Variants in DIPK1A observed in about 807,000 individuals in gnomAD.
DIPK1A encodes family with sequence similarity 69 member A.
Under a neutral mutation model 40.8 loss-of-function variants are expected in DIPK1A, and 27 were observed. That is an observed-to-expected ratio of 0.66 (90% CI 0.49 to 0.91). DIPK1A has a LOEUF of 0.91. Among genes scored for constraint, DIPK1A ranks in the 40% least tolerant of loss-of-function variants. The pLI, the probability that DIPK1A is intolerant of heterozygous loss-of-function variation, is 0.00. For synonymous variants in DIPK1A, 166 were observed against 171.3 expected, an observed-to-expected ratio of 0.97 and a Z score of 0.24; for missense variants, 412 against 505.7, an observed-to-expected ratio of 0.81 and a Z score of 1.78.
chr1:92,843,803 A>G lies in DIPK1A; in HGVS notation c.867T>C (p.Asn289=). The G allele has an allele frequency of 6.4e-7, 1 of 1,551,890 alleles. No individual in the cohort carries two copies. Among genetic ancestry groups the G allele is most frequent in the East Asian group, 2.4e-5 (1 of 40,922 alleles). ...VEDVFHGPYG[N]FLMCDTSAKN... is the part of the protein sequence containing the mutation. ...TGGCACTAGTATCGCACATGAGGAA[A>G]TTTCCGTAGGGGCCATGGAAAACAT... The change falls in exon 5 of 5, where the codon AAT becomes AAC. Residue 289 remains asparagine (N), a synonymous_variant. Transcript: ENST00000370310.
intron 1 of DIPK1A, among the ~76,000 whole-genome samples, chr1:92,954,565 G>C (rs572952648): frequency 9.2e-4 from 139 of 151,618 alleles, no homozygotes; most frequent in African/African-American, 3.2e-3. Context: ...AGTAGAGACA[G>C]GGTTTCGCCA....
At chr1:92,949,537 A>C (rs1049479896) in intron 1 of DIPK1A, among the ~76,000 whole-genome samples, 39 of 152,316 alleles carry the variant, frequency 2.6e-4, no homozygotes, top group African/African-American at 9.1e-4. Context: ...TCGGCCTCCC[A>C]AAGTGCTAGG....
chr1:92,906,693 G>A (rs543855495), intron 1 of DIPK1A, among the ~76,000 whole-genome samples: 125 of 152,180 alleles, frequency 8.2e-4, no homozygotes, highest in Non-Finnish European at 1.6e-3. Flanking sequence ...AAAAGGCACA[G>A]TATGTGGGGC....
chr1:92,840,677 G>T (rs1415174924), downstream of DIPK1A: 7 of 1,474,906 alleles, frequency 4.7e-6, no homozygotes, highest in African/African-American at 1.4e-5. Context: ...AAGAAAACAG[G>T]TTGGGAATGG....
At chr1:92,930,918 A>C (rs1435893548) in intron 1 of DIPK1A, 2 of 152,064 alleles carry the variant, frequency 1.3e-5, no homozygotes, top group African/African-American at 2.4e-5. Context: ...CTCTATACAC[A>C]CTTCTGAAAT....
At chr1:92,911,726 C>A (rs967530783) in intron 1 of DIPK1A, among the ~76,000 whole-genome samples, 1 of 151,994 alleles carries the variant, frequency 6.6e-6, no homozygotes, top group African/African-American at 2.4e-5. Context: ...TTAGGCCAGG[C>A]GCAGTGGCTC....
Position 92,843,821 on chromosome 1 carries a change from G to A in DIPK1A, c.849C>T (p.Phe283=), listed in dbSNP as rs1199503163. 6.4e-7 allele frequency: 1 copy of A among 1,551,902 alleles called. No homozygotes were observed. Among genetic ancestry groups the A allele is most frequent in the South Asian group, 1.2e-5 (1 of 84,058 alleles). ...IGLLEFVEDV[F]HGPYGNFLMC... is the part of the protein sequence containing the mutation. ...TGAGGAAATTTCCGTAGGGGCCATG[G>A]AAAACATCTTCCACAAATTCTAGAA... The change falls in exon 5 of 5, where the codon TTC becomes TTT. Residue 283 remains phenylalanine (F), a synonymous_variant. Transcript: ENST00000370310.
At chr1:92,909,748 C>G (rs1208801465) in intron 1 of DIPK1A, among the ~76,000 whole-genome samples, 1 of 152,150 alleles carries the variant, frequency 6.6e-6, no homozygotes, top group Non-Finnish European at 1.5e-5. Flanking sequence ...AAAGGTAGAA[C>G]AGAATTTCTC....
chr1:92,895,519 C>T (rs1367521227), intron 1 of DIPK1A, among the ~76,000 whole-genome samples: 1 of 152,014 alleles, frequency 6.6e-6, no homozygotes, highest in African/African-American at 2.4e-5. Context: ...ATAATTAGAG[C>T]TATCTATGAC....
At chr1:92,863,744 AG>A (rs1647396728) in intron 2 of DIPK1A, among the ~76,000 whole-genome samples, 1 of 152,076 alleles carries the variant, frequency 6.6e-6, no homozygotes, top group South Asian at 2.1e-4. Flanking sequence ...AAAGGAAAAA[AG>A]CTTGTACTTT....
At chr1:92,886,900 A>G (rs1310343161) in intron 1 of DIPK1A, among the ~76,000 whole-genome samples, 1 of 152,070 alleles carries the variant, frequency 6.6e-6, no homozygotes, top group African/African-American at 2.4e-5. Flanking sequence ...CTTTCATGCT[A>G]TAATGGCAGA....
At chr1:92,850,664 GA>G (rs1687790016) in intron 3 of DIPK1A, among the ~76,000 whole-genome samples, 183 bp downstream of exon 3, 1 of 152,158 alleles carries the variant, frequency 6.6e-6, no homozygotes, top group African/African-American at 2.4e-5. Context: ...CTGGACAACA[GA>G]TCCTGTCTCA....
intron 1 of DIPK1A, among the ~76,000 whole-genome samples, chr1:92,903,243 G>A (rs546014122): frequency 7.2e-5 from 11 of 152,050 alleles, no homozygotes; most frequent in African/African-American, 2.4e-4. Flanking sequence ...ACAGGGTTTT[G>A]CCATGTTGAC....
chr1:92,883,576 G>T (rs1571088421), intron 1 of DIPK1A, among the ~76,000 whole-genome samples: 1 of 152,286 alleles, frequency 6.6e-6, no homozygotes, highest in Non-Finnish European at 1.5e-5. Flanking sequence ...CAGACAGATG[G>T]CTTCTTCATT....
At chr1:92,937,001 C>T (rs1650971966) in intron 1 of DIPK1A, among the ~76,000 whole-genome samples, 1 of 152,196 alleles carries the variant, frequency 6.6e-6, no homozygotes, top group East Asian at 1.9e-4. Flanking sequence ...TACCCACTAG[C>T]TACCAAGAGT....
Position 92,961,380 on chromosome 1 carries a change from A to G in DIPK1A, c.50T>C (p.Leu17Pro). The G allele has an allele frequency of 6.6e-7, 1 of 1,522,346 alleles. No homozygotes were observed. The highest frequency in any genetic ancestry group is 8.8e-7 in the Non-Finnish European group (1 of 1,132,130). 94.3% of individuals were successfully genotyped at this position (1,522,346 alleles called of 1,614,324 possible). The change falls in exon 1 of 5, where the codon CTC becomes CCC. Residue 17 changes from leucine (L) to proline (P), a missense_variant. By Grantham distance (98) the Leu-to-Pro change is moderately conservative (BLOSUM62 -3). Transcript: ENST00000370310. ...PGAWLRKPYYLQARFSYVRMK... is the reference protein window; with the variant it reads ...PGAWLRKPYYPQARFSYVRMK... The stretch of plus-strand genomic sequence containing the variant: ...GCTGGGCGGCCGCCGGCCTACCTGG[A>G]GGTAATAGGGTTTCCTTAGCCAGGC...
chr1:92,884,474 A>G (rs572160159), intron 1 of DIPK1A, among the ~76,000 whole-genome samples: 2 of 151,918 alleles, frequency 1.3e-5, no homozygotes, highest in Non-Finnish European at 2.9e-5. Flanking sequence ...ACAAAAAAAA[A>G]CAACTCCTTG....
At chr1:92,892,460 C>A (rs1648937247) in intron 1 of DIPK1A, among the ~76,000 whole-genome samples, 1 of 152,192 alleles carries the variant, frequency 6.6e-6, no homozygotes, top group African/African-American at 2.4e-5. Flanking sequence ...AGAAGGAAAA[C>A]TAACAAACAG....
intron 1 of DIPK1A, among the ~76,000 whole-genome samples, chr1:92,917,151 T>A (rs910078489): frequency 3.3e-5 from 5 of 152,236 alleles, no homozygotes; most frequent in African/African-American, 1.2e-4. Context: ...AGTTGATGTA[T>A]CATTATTTAC....
Sources: gnomAD v4.1 joint callset for allele counts (sites outside exome capture counted in the v4.1 genomes callset) on GRCh38, gnomAD v4.1.1 for gene constraint, MANE v1.5 for transcripts, NCBI Gene and HGNC (gene_info 2026-07-23, HGNC 2026-07-21) for gene names.